Variants in WDR70 observed in about 807,000 individuals in gnomAD.
WDR70 encodes WD repeat domain 70.
WDR70 carries 53 observed loss-of-function variants against 88.6 expected under a neutral mutation model. That is an observed-to-expected ratio of 0.60 (90% CI 0.48 to 0.75). The LOEUF (loss-of-function observed/expected upper bound fraction) is 0.75. WDR70 is among the 30% of genes least tolerant of loss of function. WDR70 has a pLI of 0.00. For missense variants in WDR70, 610 were observed against 823.2 expected (o/e 0.74, Z 3.17); for synonymous variants, 280 against 270.0 (o/e 1.04, Z -0.36).
chr5:37,537,467 A>G (rs1287214796), intron 9 of WDR70, among the ~76,000 whole-genome samples: 2 of 152,196 alleles, frequency 1.3e-5, no homozygotes, highest in Non-Finnish European at 2.9e-5. Context: ...TGAGCTATCA[A>G]TATTTAAAAA....
At chr5:37,412,973 T>C (rs1749570665) in intron 5 of WDR70, among the ~76,000 whole-genome samples, 1 of 152,222 alleles carries the variant, frequency 6.6e-6, no homozygotes, top group South Asian at 2.1e-4. Context: ...CAATAACCAA[T>C]TTAAATTTAA....
At chr5:37,428,304 A>G (rs1244393266) in intron 5 of WDR70, among the ~76,000 whole-genome samples, 1 of 152,220 alleles carries the variant, frequency 6.6e-6, no homozygotes, top group Non-Finnish European at 1.5e-5. Context: ...GTAAAATGCA[A>G]CCAATTTATG....
At chr5:37,390,485 G>A (rs1265714572) in intron 3 of WDR70, among the ~76,000 whole-genome samples, 2 of 151,200 alleles carry the variant, frequency 1.3e-5, no homozygotes, top group African/African-American at 2.4e-5. Context: ...GACTACAGGC[G>A]CCGGCCACTA....
At chr5:37,586,696 A>G (rs1457066519) in intron 9 of WDR70, among the ~76,000 whole-genome samples, 1 of 151,866 alleles carries the variant, frequency 6.6e-6, no homozygotes, top group Non-Finnish European at 1.5e-5. Context: ...TTGGCTTCCT[A>G]ACACTTCCCT....
intron 9 of WDR70, among the ~76,000 whole-genome samples, chr5:37,566,152 T>C (rs1742735112): frequency 6.6e-6 from 1 of 152,100 alleles, no homozygotes; most frequent in Admixed American, 6.5e-5. Flanking sequence ...CAACCACTAA[T>C]TTACTCTGAA....
chr5:37,619,708 C>A (rs1744451958), intron 10 of WDR70, among the ~76,000 whole-genome samples: 1 of 151,682 alleles, frequency 6.6e-6, no homozygotes, highest in South Asian at 2.1e-4. Context: ...CACTCCAAAG[C>A]TCTTGGTGCT....
At chr5:37,389,445 C>T (rs1284022518) in intron 3 of WDR70, among the ~76,000 whole-genome samples, 4 of 151,828 alleles carry the variant, frequency 2.6e-5, no homozygotes. Flanking sequence ...GAGTCTTGCT[C>T]TGTTGCCCAG....
chr5:37,519,188 G>A (rs548333913), intron 9 of WDR70, among the ~76,000 whole-genome samples: 73 of 152,206 alleles, frequency 4.8e-4, no homozygotes, highest in African/African-American at 1.6e-3. Context: ...GCCCATTCTC[G>A]ATGATCGCTG....
chr5:37,414,144 CAAAAA>C (rs59026349), intron 5 of WDR70, among the ~76,000 whole-genome samples: 54 of 94,092 alleles, frequency 5.7e-4, no homozygotes, highest in Admixed American at 1.2e-3. Flanking sequence ...AACTCTGTCT[CAAAAA>C]AAAAAAAAAA....
At chr5:37,637,339 T>A (rs969882908) in intron 10 of WDR70, among the ~76,000 whole-genome samples, 1 of 145,036 alleles carries the variant, frequency 6.9e-6, no homozygotes, top group Non-Finnish European at 1.5e-5. Flanking sequence ...AATAAATAAA[T>A]TAAATAAATA....
At chr5:37,415,803 C>G (rs1235314266) in intron 5 of WDR70, among the ~76,000 whole-genome samples, 3 of 147,964 alleles carry the variant, frequency 2.0e-5, no homozygotes, top group Non-Finnish European at 3.0e-5. Context: ...ACGGGGCGGC[C>G]GGGCAGAGAC....
intron 10 of WDR70, among the ~76,000 whole-genome samples, chr5:37,675,824 C>A (rs551840217): frequency 1.3e-5 from 2 of 152,044 alleles, no homozygotes; most frequent in African/African-American, 4.8e-5. Flanking sequence ...TTACCTTGGG[C>A]AGTATGGCCA....
intron 13 of WDR70, among the ~76,000 whole-genome samples, chr5:37,710,188 T>C (rs1042777955): frequency 6.6e-6 from 1 of 152,182 alleles, no homozygotes; most frequent in Non-Finnish European, 1.5e-5. Context: ...GCTGATTCCT[T>C]TTTATTATTT....
At chr5:37,485,665 ATTAT>A (rs1335877339) in intron 8 of WDR70, among the ~76,000 whole-genome samples, 7 of 151,876 alleles carry the variant, frequency 4.6e-5, no homozygotes, top group Non-Finnish European at 7.4e-5. Context: ...AACAATATAT[ATTAT>A]TTATTTATTC....
intron 9 of WDR70, among the ~76,000 whole-genome samples, chr5:37,560,109 G>C (rs924543592): frequency 2.6e-5 from 4 of 151,792 alleles, no homozygotes; most frequent in African/African-American, 9.7e-5. Flanking sequence ...AAACTAGTGA[G>C]AGAGTACTTA....
chr5:37,403,098 C>T (rs1328563172), intron 5 of WDR70, among the ~76,000 whole-genome samples: 1 of 151,908 alleles, frequency 6.6e-6, no homozygotes, highest in Non-Finnish European at 1.5e-5. Context: ...AGGTGTGCAC[C>T]ACCACGCCTG....
At chr5:37,500,624 T>C (rs1006731840) in intron 8 of WDR70, among the ~76,000 whole-genome samples, 1 of 151,686 alleles carries the variant, frequency 6.6e-6, no homozygotes, top group Admixed American at 6.6e-5. Flanking sequence ...TAATGGCCAT[T>C]CTGGCTGGAC....
At chr5:37,700,306 G>C (rs1316417942) in intron 11 of WDR70, 1 of 152,102 alleles carries the variant, frequency 6.6e-6, no homozygotes, top group African/African-American at 2.4e-5. Context: ...TATTAAAAAG[G>C]GATTTTTAAA....
chr5:37,415,487 G>GA (rs1749687341), intron 5 of WDR70, among the ~76,000 whole-genome samples: 1 of 73,464 alleles, frequency 1.4e-5, no homozygotes, highest in African/African-American at 5.3e-5. Context: ...CTCCCGGAAG[G>GA]GGCGGCTGGG....
Sources: gnomAD v4.1 joint callset for allele counts (sites outside exome capture counted in the v4.1 genomes callset) on GRCh38, gnomAD v4.1.1 for gene constraint, MANE v1.5 for transcripts, NCBI Gene and HGNC (gene_info 2026-07-23, HGNC 2026-07-21) for gene names.